HSPG2: variants seen among roughly 807,000 people sequenced by gnomAD.
The protein encoded by HSPG2 is basement membrane-specific heparan sulfate proteoglycan core protein.
In HSPG2, 278 loss-of-function variants were observed where a neutral mutation model predicts 526.6. The observed-to-expected ratio is 0.53, with a 90% CI of 0.48 to 0.58. The LOEUF is 0.58. HSPG2 is among the 20% of genes least tolerant of loss of function. The pLI is 0.00. For missense variants in HSPG2, 5,354 were observed against 6,099.5 expected (o/e 0.88, Z 4.07); for synonymous variants, 2,465 against 2,555.4 (o/e 0.96, Z 1.07).
rs1475083049 is a variant in HSPG2 at position 21,854,849 on chromosome 1, T to C, written c.6132A>G (p.Ser2044=). ...AQARIQVVVL[S]ASDASPPPVK... ...CCTCCATTCCCAGAGAGTCCGTACC[T>C]GAAAGGACAACCACTTGGATCCGGG... Residue 2044 remains serine, a splice_region_variant and synonymous_variant, in exon 48 of 97, where the codon TCA becomes TCG. Coordinates refer to ENST00000374695, the MANE Select transcript of HSPG2 (RefSeq NM_005529.7). 6.2e-7 allele frequency: 1 copy of C among 1,613,910 alleles called. No homozygotes were observed. Among genetic ancestry groups the C allele is most frequent in the Non-Finnish European group, 8.5e-7 (1 of 1,179,942 alleles).
intron 1 of HSPG2, among the ~76,000 whole-genome samples, chr1:21,925,032 C>T (rs888887386): frequency 2.0e-5 from 3 of 152,190 alleles, no homozygotes; most frequent in Non-Finnish European, 4.4e-5. Flanking sequence ...CCAAGGCATC[C>T]GGAGAGTAGG....
intron 1 of HSPG2, among the ~76,000 whole-genome samples, chr1:21,921,590 G>A (rs1340340207): frequency 6.6e-6 from 1 of 152,222 alleles, no homozygotes; most frequent in East Asian, 1.9e-4. Context: ...GGTGCAACCA[G>A]TGGTTAAGGG....
In HSPG2 at chr1:21,865,422, G is replaced by GTGTC; in HGVS notation, c.4315-61_4315-58dup. The GTGTC allele has an allele frequency of 3.3e-6, 5 of 1,509,430 alleles. No homozygotes were observed. The highest frequency in any genetic ancestry group is 4.6e-6 in the Non-Finnish European group (5 of 1,085,996). The allele number at this position is 1,509,430 out of a possible 1,614,324, so 93.5% of individuals were successfully genotyped here. On this transcript the variant is annotated intron_variant, in intron 34 of 96. Transcript: ENST00000374695. This position sits in a 1 kb window ranked among gnomAD's most constrained non-coding sequence, Gnocchi z 5.4. ...GCCGAGGGGTCCCTGGGGTGCCAGGGTGTCCTCCACCAGTCCTAGATTCTC... is the reference window on the plus strand; with the variant it reads ...GCCGAGGGGTCCCTGGGGTGCCAGGGTGTCTGTCCTCCACCAGTCCTAGATTCTC...
intron 1 of HSPG2, among the ~76,000 whole-genome samples, chr1:21,897,539 G>A (rs769877997): frequency 2.0e-5 from 3 of 152,008 alleles, no homozygotes; most frequent in Admixed American, 6.6e-5. Context: ...TTTCTCAGGC[G>A]AACTCCAATG....
chr1:21,860,330 A>AT, intron 39 of HSPG2, 95 bp from the exon 40 acceptor site: 2 of 1,172,228 alleles, frequency 1.7e-6, no homozygotes, highest in Non-Finnish European at 2.5e-6. Flanking sequence ...AGGCCACCCA[A>AT]TGTCAGGTGA....
At chr1:21,830,264 G>A (rs1237067792) in intron 85 of HSPG2, 173 bp from the exon 86 acceptor site, 1 of 628,784 alleles carries the variant, frequency 1.6e-6, no homozygotes. Flanking sequence ...GGAGCCAGAA[G>A]AGGCCACAGG....
In HSPG2 at chr1:21,895,887, G is replaced by A; in HGVS notation, c.244+35C>T. 6.2e-7 allele frequency: 1 copy of A among 1,608,568 alleles called. No individual in the cohort carries two copies. Among genetic ancestry groups the A allele is most frequent in the Non-Finnish European group, 8.5e-7 (1 of 1,175,416 alleles). On this transcript the variant is annotated intron_variant, in intron 3 of 96. Transcript: ENST00000374695. This position sits in a 1 kb window ranked among gnomAD's most constrained non-coding sequence, Gnocchi z 4.1. ...GGCTCTGGGGCTTCCCTGGGGGACA[G>A]GAGGGAGACCTGCAGGAGGCCTGCA...
chr1:21,887,734 T>G lies in HSPG2; in HGVS notation c.704-60A>C. 6.2e-7 allele frequency: 1 copy of G among 1,608,380 alleles called. No individual in the cohort carries two copies. The highest frequency in any genetic ancestry group is 8.5e-7 in the Non-Finnish European group (1 of 1,175,586). Reference sequence around the variant, plus strand: ...CAGATGGCTCCTCACCTGCTCCTTGTCCCCAACCCTCCCCAGGCCCACCCT... The same window carrying G: ...CAGATGGCTCCTCACCTGCTCCTTGGCCCCAACCCTCCCCAGGCCCACCCT... On this transcript the variant is annotated intron_variant, in intron 7 of 96. Coordinates refer to ENST00000374695, the MANE Select transcript of HSPG2 (RefSeq NM_005529.7). The surrounding 1 kb of genome is among the most constrained non-coding windows in gnomAD (Gnocchi z 5.0).
chr1:21,892,215 G>A (rs536133252), intron 3 of HSPG2, among the ~76,000 whole-genome samples: 3 of 152,380 alleles, frequency 2.0e-5, no homozygotes, highest in East Asian at 1.9e-4. Flanking sequence ...CCTGGGTGCC[G>A]GGTGGGCGGG....
At chr1:21,860,686 T>C (rs994180373) in intron 39 of HSPG2, among the ~76,000 whole-genome samples, 1 of 152,028 alleles carries the variant, frequency 6.6e-6, no homozygotes, top group African/African-American at 2.4e-5. Context: ...AGAGGCAGGA[T>C]GTGCTAGCCA....
At chr1:21,919,829 C>G (rs1032721516) in intron 1 of HSPG2, among the ~76,000 whole-genome samples, 1 of 152,220 alleles carries the variant, frequency 6.6e-6, no homozygotes, top group Non-Finnish European at 1.5e-5. Context: ...TTACTGCACA[C>G]AGTAGGCCCT....
At chr1:21,870,134 G>C in intron 33 of HSPG2, 4 of 583,028 alleles carry the variant, frequency 6.9e-6, no homozygotes, top group Non-Finnish European at 8.7e-6. Context: ...TCTTCGCTCA[G>C]GTGCCTGCCT....
In HSPG2 at chr1:21,835,577, C is replaced by T. The variant is rs756471759; in HGVS notation, c.10416G>A (p.Trp3472Ter). ...GCTGGGCACTGGCCTGGGCCTTCCC[C>T]CAAGGTCCATGGGCCTGGCATATAT... ...GTYICQAHGP[W>*]GKAQASAQLV... The change falls in exon 76 of 97, where the codon TGG becomes TGA. Residue 3472 changes from tryptophan (W) to a stop codon, truncating the protein, a stop_gained. Coordinates refer to ENST00000374695, the MANE Select transcript of HSPG2 (RefSeq NM_005529.7). LOFTEE classifies it high-confidence loss of function. 6.2e-7 allele frequency: 1 copy of T among 1,614,164 alleles called. No homozygotes were observed.
Position 21,859,573 on chromosome 1 carries a change from C to T in HSPG2, c.5286G>A (p.Leu1762=). The change falls in exon 42 of 97, where the codon CTG becomes CTA. Residue 1762 remains leucine (L), a synonymous_variant. Transcript: ENST00000374695. The surrounding 1 kb of genome is among the most constrained non-coding windows in gnomAD (Gnocchi z 5.3). ...HQSNTSRAEL[L]VTEAPSKPIT... is the part of the protein sequence containing the mutation. Reference sequence around the variant, plus strand: ...GGGGGCGTAGGGACTCACCAGTGACCAGCAGCTCTGCCCGGCTGGTATTGG... The same window carrying T: ...GGGGGCGTAGGGACTCACCAGTGACTAGCAGCTCTGCCCGGCTGGTATTGG... The T allele has an allele frequency of 6.3e-7, 1 of 1,594,698 alleles. No homozygotes were observed. The highest frequency in any genetic ancestry group is 8.5e-7 in the Non-Finnish European group (1 of 1,170,084).
Position 21,824,859 on chromosome 1 carries a change from C to T in HSPG2, c.12590-80G>A. 2 of 1,293,604 alleles carry T rather than the reference C, an allele frequency of 1.5e-6. No individual in the cohort carries two copies. Among genetic ancestry groups the T allele is most frequent in the South Asian group, 2.5e-5 (2 of 78,818 alleles). The allele number at this position is 1,293,604 out of a possible 1,614,324, so 80.1% of individuals were successfully genotyped here. A position where few individuals can be genotyped will look rare whatever the true frequency, so the allele number is the denominator to read the frequency against. ...CCGTCAGTTCCCCTGACCCCCACCT[C>T]CACGCCAACATGCAGGACTAGGGGG... On this transcript the variant is annotated intron_variant, in intron 91 of 96. Transcript: ENST00000374695. This position sits in a 1 kb window ranked among gnomAD's most constrained non-coding sequence, Gnocchi z 5.9.
In HSPG2 at chr1:21,842,311, C is replaced by G; in HGVS notation, c.8980G>C (p.Ala2994Pro). 1.2e-6 allele frequency: 2 copies of G among 1,613,208 alleles called. No homozygotes were observed. Among genetic ancestry groups the G allele is most frequent in the Non-Finnish European group, 1.7e-6 (2 of 1,179,766 alleles). ...ADSGEYVCRA[A>P]SGPGPEQEAS... is the part of the protein sequence containing the mutation. ...TCTTGCTCAGGGCCTGGGCCGCTGG[C>G]TGCACGACACACATACTCGCCTGAG... The change falls in exon 68 of 97, where the codon GCC becomes CCC. Residue 2994 changes from alanine (A) to proline (P), a missense_variant. By Grantham distance (27) the Ala-to-Pro change is conservative. Transcript: ENST00000374695.
At position 21,880,788 on chromosome 1, in the gene HSPG2, C is replaced by T; in HGVS notation, c.1866G>A (p.Leu622=). 1 of 1,598,494 alleles carries T rather than the reference C, an allele frequency of 6.3e-7. No individual in the cohort carries two copies. Among genetic ancestry groups the T allele is most frequent in the Non-Finnish European group, 8.5e-7 (1 of 1,173,428 alleles). Residue 622 remains leucine (L), a synonymous_variant, in exon 15 of 97, where the codon TTG becomes TTA. Transcript: ENST00000374695. ...GCACTGGCTCCAGCATGCCACGGGC[C>T]AACTCGTAGCGCACGTTGTAACGCA... ...GSLRYNVRYE[L]ARGMLEPVQR...
At chr1:21,866,980 G>C (rs1248030222) in intron 33 of HSPG2, among the ~76,000 whole-genome samples, 1 of 152,054 alleles carries the variant, frequency 6.6e-6, no homozygotes, top group African/African-American at 2.4e-5. Context: ...TTGAATGCCA[G>C]AAAGTTCACA....
At position 21,885,768 on chromosome 1, in the gene HSPG2, G is replaced by A. The variant is rs149042324; in HGVS notation, c.1079-317C>T. ...CACAGAAGCGCTATCTTGCTCACAT[G>A]GACAAGACCCATGTCAAAGGCACCA... On this transcript the variant is annotated intron_variant, in intron 9 of 96. Transcript: ENST00000374695. Among the ~76,000 whole-genome samples, 267 of 152,292 alleles carry A rather than the reference G, an allele frequency of 1.8e-3. 1 individual carries two copies. Among genetic ancestry groups the A allele is most frequent in the Non-Finnish European group, 3.4e-3 (232 of 68,022 alleles).
Sources: allele counts gnomAD v4.1 joint callset (sites outside exome capture counted in the v4.1 genomes callset), GRCh38; gene constraint gnomAD v4.1.1; non-coding constraint Gnocchi (gnomAD v3.1); transcripts MANE v1.5; gene names NCBI Gene and HGNC (gene_info 2026-07-23, HGNC 2026-07-21).